Variants in WDR7 observed in about 807,000 individuals in gnomAD.
WDR7 encodes the protein WD repeat domain 7.
In WDR7, 46 loss-of-function variants were observed where a neutral mutation model predicts 169.4. The observed-to-expected ratio is 0.27, with a 90% CI of 0.21 to 0.35. The LOEUF is 0.35. Among genes scored for constraint, WDR7 ranks in the 10% least tolerant of loss-of-function variants. WDR7 has a pLI of 1.00. For synonymous variants in WDR7, 612 were observed against 666.8 expected (o/e 0.92, Z 1.27); for missense variants, 1,534 against 1,859.3 (o/e 0.83, Z 3.22).
chr18:56,779,337 C>CT (rs1314971921), intron 17 of WDR7, 94 bp from the exon 18 acceptor site: 6 of 879,910 alleles, frequency 6.8e-6, no homozygotes, highest in African/African-American at 1.7e-5. Context: ...GCAGATCTGC[C>CT]TTTTTTTGTT....
At chr18:56,756,472 A>G (rs2043890772) in intron 14 of WDR7, 111 bp from the exon 15 acceptor site, 1 of 990,522 alleles carries the variant, frequency 1.0e-6, no homozygotes, top group African/African-American at 1.6e-5. Flanking sequence ...AGGTTCCTAG[A>G]AGGACAGCTT....
chr18:56,794,707 CTATTTTGCCAA>C (rs2044553944), intron 19 of WDR7, among the ~76,000 whole-genome samples: 1 of 152,104 alleles, frequency 6.6e-6, no homozygotes, highest in South Asian at 2.1e-4. Flanking sequence ...CTCAGTGTTT[CTATTTTGCCAA>C]TATGTTTCAT....
chr18:56,652,407 TG>T (rs1598934722), intron 1 of WDR7, among the ~76,000 whole-genome samples: 1 of 152,226 alleles, frequency 6.6e-6, no homozygotes, highest in African/African-American at 2.4e-5. Flanking sequence ...TAGGATTTTA[TG>T]GGCAAGGTTG....
chr18:56,737,573 G>A (rs1568166557), intron 14 of WDR7, among the ~76,000 whole-genome samples: 2 of 152,086 alleles, frequency 1.3e-5, no homozygotes, highest in African/African-American at 4.8e-5. Context: ...TTAGTCAAAA[G>A]TCTGAAAAAA....
chr18:56,668,203 A>G (rs2144500225), intron 1 of WDR7, among the ~76,000 whole-genome samples: 1 of 152,300 alleles, frequency 6.6e-6, no homozygotes, highest in East Asian at 1.9e-4. Context: ...CTTACCAAGA[A>G]GCCCCTTGTG....
chr18:57,010,087 A>G, intron 26 of WDR7: 1 of 985,500 alleles, frequency 1.0e-6, no homozygotes, highest in Non-Finnish European at 1.2e-6. Context: ...GAGATAATCA[A>G]GACCATTCAT....
chr18:56,874,821 G>A (rs973930604), intron 20 of WDR7, among the ~76,000 whole-genome samples: 7 of 150,544 alleles, frequency 4.6e-5, no homozygotes, highest in African/African-American at 7.5e-5. Flanking sequence ...AACCATAACA[G>A]CAACAAGAAG....
At chr18:56,663,585 CTT>C (rs1391580714) in intron 1 of WDR7, among the ~76,000 whole-genome samples, 1 of 149,960 alleles carries the variant, frequency 6.7e-6, no homozygotes, top group Non-Finnish European at 1.5e-5. Context: ...GATGCACAGA[CTT>C]TTTAAAAACA....
chr18:56,976,230 A>AT (rs1212616045), intron 26 of WDR7, among the ~76,000 whole-genome samples: 4 of 152,220 alleles, frequency 2.6e-5, no homozygotes, highest in Non-Finnish European at 5.9e-5. Context: ...AAAATACAGC[A>AT]TGTTAAATAT....
At chr18:56,843,119 A>T (rs1255243294) in intron 20 of WDR7, among the ~76,000 whole-genome samples, 1 of 152,228 alleles carries the variant, frequency 6.6e-6, no homozygotes, top group Non-Finnish European at 1.5e-5. Flanking sequence ...CCCCTTTCTT[A>T]CAAAAATCCA....
At chr18:56,728,470 C>T (rs2026509275) in intron 13 of WDR7, among the ~76,000 whole-genome samples, 1 of 152,162 alleles carries the variant, frequency 6.6e-6, no homozygotes, top group Admixed American at 6.5e-5. Flanking sequence ...GTAGATGATG[C>T]TGCCTCCTCG....
At chr18:56,854,639 G>C (rs1304431975) in intron 20 of WDR7, among the ~76,000 whole-genome samples, 1 of 147,994 alleles carries the variant, frequency 6.8e-6, no homozygotes, top group African/African-American at 2.4e-5. Flanking sequence ...AGCCTTATCT[G>C]TTCAGATCTT....
chr18:56,750,543 C>G (rs906158368), intron 14 of WDR7, among the ~76,000 whole-genome samples: 3 of 152,162 alleles, frequency 2.0e-5, no homozygotes, highest in Non-Finnish European at 4.4e-5. Context: ...TAATCTTCTT[C>G]CACGATAATG....
chr18:56,974,313 C>CCCTTTTCCTTTCCTTTT (rs1343802110), intron 26 of WDR7, among the ~76,000 whole-genome samples: 72 of 151,688 alleles, frequency 4.7e-4, no homozygotes, highest in African/African-American at 1.6e-3. Flanking sequence ...CTTGTCCTTT[C>CCCTTTTCCTTTCCTTTT]CCTTTTCCTT....
intron 19 of WDR7, among the ~76,000 whole-genome samples, chr18:56,801,726 C>T (rs2145160772): frequency 6.6e-6 from 1 of 152,290 alleles, no homozygotes; most frequent in African/African-American, 2.4e-5. Context: ...GGTTTGGCTT[C>T]TTTCACTAGC....
Position 56,686,051 on chromosome 18 carries a change from G to A in WDR7, c.597+19G>A. 6.4e-7 allele frequency: 1 copy of A among 1,570,628 alleles called. No individual in the cohort carries two copies. Among genetic ancestry groups the A allele is most frequent in the South Asian group, 1.2e-5 (1 of 84,340 alleles). ...CATGCAGGTGAGAAAAAGGAAACTG[G>A]GGTGATTTCTCTGTTTTTATTCTCT... On this transcript the variant is annotated intron_variant, in intron 6 of 27. Transcript: ENST00000254442.
At position 56,691,341 on chromosome 18, in the gene WDR7, T is replaced by C; in HGVS notation, c.843T>C (p.Tyr281=). The part of the protein sequence containing the change: ...VIIWTENGQS[Y]IYKLPASCLP... ...TTTGGACAGAAAATGGGCAAAGTTA[T>C]ATTTACAAACTACCTGCCAGGTATG... The change falls in exon 8 of 28, where the codon TAT becomes TAC. Residue 281 remains tyrosine, a synonymous_variant. Transcript: ENST00000254442. 1 of 1,593,766 alleles carries C rather than the reference T, an allele frequency of 6.3e-7. No homozygotes were observed. The highest frequency in any genetic ancestry group is 8.5e-7 in the Non-Finnish European group (1 of 1,175,616).
At chr18:56,851,771 C>A (rs2045643922) in intron 20 of WDR7, among the ~76,000 whole-genome samples, 1 of 152,164 alleles carries the variant, frequency 6.6e-6, no homozygotes, top group African/African-American at 2.4e-5. Context: ...GAAGAATCAC[C>A]AATGTGGTCT....
In WDR7 at chr18:56,988,898, C is replaced by T. The variant is rs1352683449; in HGVS notation, c.4164+26369C>T. On this transcript the variant is annotated intron_variant, in intron 26 of 27. Transcript: ENST00000254442. Reference sequence around the variant, plus strand: ...TAGTTTTGTAGCCTTGTTTTTGTTCCGGTTTCTTGTAAATTGATTATATTT... The same window carrying T: ...TAGTTTTGTAGCCTTGTTTTTGTTCTGGTTTCTTGTAAATTGATTATATTT... 3.3e-5 allele frequency among the ~76,000 whole-genome samples: 5 copies of T among 151,608 alleles called. No individual in the cohort carries two copies. In the East Asian group the frequency reaches 5.8e-4, roughly 18 times the overall value.
Sources: allele counts gnomAD v4.1 joint callset (sites outside exome capture counted in the v4.1 genomes callset), GRCh38; gene constraint gnomAD v4.1.1; transcripts MANE v1.5; gene names NCBI Gene and HGNC (gene_info 2026-07-23, HGNC 2026-07-21).